Variants in MAP7 observed in about 807,000 individuals in gnomAD.
The protein encoded by MAP7 is microtubule associated protein 7.
A neutral mutation model predicts 94.8 loss-of-function variants in MAP7; 52 were observed. The ratio of observed to expected loss-of-function variants is 0.55; its 90% CI spans 0.44 to 0.69. MAP7 has a LOEUF of 0.69. MAP7 is among the 30% of genes least tolerant of loss of function. The pLI is 0.00. For synonymous variants in MAP7, 350 were observed against 357.0 expected (o/e 0.98, Z 0.22); for missense variants, 940 against 964.6 (o/e 0.97, Z 0.34).
chr6:136,538,382 A>G (rs1267522536), intron 1 of MAP7, among the ~76,000 whole-genome samples: 2 of 152,182 alleles, frequency 1.3e-5, no homozygotes, highest in African/African-American at 4.8e-5. Flanking sequence ...AGCATATTCA[A>G]TGTGGTGATA....
At chr6:136,404,464 T>C (rs1027409171) in intron 3 of MAP7, among the ~76,000 whole-genome samples, 1 of 152,088 alleles carries the variant, frequency 6.6e-6, no homozygotes, top group African/African-American at 2.4e-5. Context: ...ACTTTTTATA[T>C]TGTCTTATTC....
chr6:136,453,078 A>C (rs924995810), intron 1 of MAP7, among the ~76,000 whole-genome samples: 5 of 152,172 alleles, frequency 3.3e-5, no homozygotes, highest in Admixed American at 1.3e-4. Context: ...GGCATCTCTC[A>C]TGAATACGTG....
At chr6:136,367,708 T>C (rs1794675005) in intron 8 of MAP7, among the ~76,000 whole-genome samples, 1 of 152,098 alleles carries the variant, frequency 6.6e-6, no homozygotes, top group Non-Finnish European at 1.5e-5. Flanking sequence ...TCAACCACCA[T>C]TTCTCCCATT....
intron 1 of MAP7, chr6:136,526,603 T>C (rs1583147612): frequency 2.0e-6 from 2 of 985,256 alleles, no homozygotes; most frequent in African/African-American, 3.5e-5. Flanking sequence ...CAGCAGAGGG[T>C]TACAGCGTGA....
chr6:136,424,390 T>C (rs1244463231), intron 1 of MAP7, among the ~76,000 whole-genome samples: 1 of 152,124 alleles, frequency 6.6e-6, no homozygotes, highest in Non-Finnish European at 1.5e-5. Flanking sequence ...TTTGCTAGCC[T>C]TATGAAATCT....
At chr6:136,388,561 G>T in intron 4 of MAP7, 51 bp from the exon 5 acceptor site, 1 of 1,463,644 alleles carries the variant, frequency 6.8e-7, no homozygotes, top group Non-Finnish European at 9.6e-7. Flanking sequence ...GTTGTTTGAA[G>T]CTTCTTCAAT....
At chr6:136,401,563 T>C (rs1260556843) in intron 3 of MAP7, among the ~76,000 whole-genome samples, 2 of 152,054 alleles carry the variant, frequency 1.3e-5, no homozygotes, top group South Asian at 4.1e-4. Flanking sequence ...TTCTCACTCA[T>C]AGGTGGGAAC....
chr6:136,347,276 A>G (rs2128515412), intron 16 of MAP7, among the ~76,000 whole-genome samples: 1 of 152,256 alleles, frequency 6.6e-6, no homozygotes, highest in Non-Finnish European at 1.5e-5. Context: ...TCTCAGTAAT[A>G]CCAACTGCTT....
chr6:136,477,061 T>C (rs79770767), intron 1 of MAP7, among the ~76,000 whole-genome samples: 2,093 of 152,298 alleles, frequency 0.014, 85 homozygotes, highest in East Asian at 0.14. Context: ...TTTACATGGT[T>C]TCAAAATAAT....
chr6:136,387,046 A>G (rs1443388389), intron 5 of MAP7, among the ~76,000 whole-genome samples: 2 of 152,200 alleles, frequency 1.3e-5, no homozygotes, highest in African/African-American at 4.8e-5. Context: ...TCCTGGCCTC[A>G]AGGGATCCTC....
At chr6:136,359,729 T>A in intron 15 of MAP7, 91 bp downstream of exon 15, 1 of 1,232,624 alleles carries the variant, frequency 8.1e-7, no homozygotes, top group Non-Finnish European at 1.2e-6. Context: ...GGATCTTTTT[T>A]CCCTCCATCA....
chr6:136,535,572 T>A (rs776559621), intron 1 of MAP7, among the ~76,000 whole-genome samples: 24 of 152,090 alleles, frequency 1.6e-4, no homozygotes, highest in Non-Finnish European at 3.2e-4. Flanking sequence ...GGTGGGTAAG[T>A]TTGAGGCTTG....
intron 12 of MAP7, 50 bp from the exon 13 acceptor site, chr6:136,360,848 G>A (rs757580633): frequency 2.5e-6 from 4 of 1,594,346 alleles, no homozygotes; most frequent in Non-Finnish European, 3.4e-6. Flanking sequence ...CGGGCTGCCC[G>A]GGTCTCCCAG....
At chr6:136,460,937 G>A (rs1180120952) in intron 1 of MAP7, among the ~76,000 whole-genome samples, 3 of 152,054 alleles carry the variant, frequency 2.0e-5, no homozygotes, top group Admixed American at 6.6e-5. Flanking sequence ...GGACCTCTTA[G>A]GTTCCAATAA....
At chr6:136,494,888 G>A (rs1159368492) in intron 1 of MAP7, among the ~76,000 whole-genome samples, 2 of 152,162 alleles carry the variant, frequency 1.3e-5, no homozygotes. Flanking sequence ...TACAGAGCAT[G>A]GGTGTCCATA....
intron 1 of MAP7, among the ~76,000 whole-genome samples, chr6:136,538,836 T>C (rs1371074207): frequency 6.6e-6 from 1 of 150,782 alleles, no homozygotes; most frequent in African/African-American, 2.4e-5. Context: ...GAAGGGCTTT[T>C]ATGGGTGTTT....
intron 1 of MAP7, among the ~76,000 whole-genome samples, chr6:136,523,767 A>G (rs982358749): frequency 5.9e-5 from 9 of 152,172 alleles, no homozygotes; most frequent in African/African-American, 2.2e-4. Flanking sequence ...GAAAAATGGT[A>G]GGGGGTCAGA....
chr6:136,431,185 A>G (rs2128807242), intron 1 of MAP7, among the ~76,000 whole-genome samples: 1 of 152,306 alleles, frequency 6.6e-6, no homozygotes, highest in African/African-American at 2.4e-5. Flanking sequence ...TCCTACCACC[A>G]TCACATTTCT....
intron 3 of MAP7, among the ~76,000 whole-genome samples, chr6:136,395,342 T>C (rs1056759378): frequency 3.3e-5 from 5 of 152,110 alleles, no homozygotes; most frequent in Admixed American, 2.6e-4. Context: ...TGCAGATGCC[T>C]GTTGGTTATT....
Sources: allele counts gnomAD v4.1 joint callset (sites outside exome capture counted in the v4.1 genomes callset), GRCh38; gene constraint gnomAD v4.1.1; transcripts MANE v1.5; gene names NCBI Gene and HGNC (gene_info 2026-07-23, HGNC 2026-07-21).